The following ESR1 variants were observed in gnomAD, a reference collection of about 807,000 sequenced individuals.
The protein encoded by ESR1 is estrogen receptor.
ESR1 carries 12 observed loss-of-function variants against 52.7 expected under a neutral mutation model. The ratio of observed to expected loss-of-function variants is 0.23; its 90% CI spans 0.15 to 0.37. ESR1 has a LOEUF of 0.37. Among genes scored for constraint, ESR1 ranks in the 10% least tolerant of loss-of-function variants. The pLI, the probability that ESR1 is intolerant of heterozygous loss-of-function variation, is 1.00. For missense variants in ESR1, 584 were observed against 779.7 expected, an observed-to-expected ratio of 0.75 and a Z score of 2.99; for synonymous variants, 305 against 316.8, an observed-to-expected ratio of 0.96 and a Z score of 0.39.
chr6:152,099,548 C>G lies in ESR1; in HGVS notation c.*582C>G, dbSNP rs932255037. 8.2e-6 allele frequency: 2 copies of G among 244,060 alleles called. No homozygotes were observed. Among genetic ancestry groups the G allele is most frequent in the Non-Finnish European group, 1.6e-5 (2 of 124,028 alleles). 15.1% of individuals were successfully genotyped at this position (244,060 alleles called of 1,614,324 possible). A position where few individuals can be genotyped will look rare whatever the true frequency, so the allele number is the denominator to read the frequency against. On this transcript the variant is annotated 3_prime_UTR_variant, in exon 8 of 8. Transcript: ENST00000206249. ...AGTATCTGGTGATTGTCAATTCATT[C>G]CCCCTATAGGAATACAAGGGGCACA... is the stretch of plus-strand genomic sequence containing the variant.
At chr6:151,939,060 A>C (rs1005442119) in intron 3 of ESR1, among the ~76,000 whole-genome samples, 4 of 152,356 alleles carry the variant, frequency 2.6e-5, no homozygotes, top group African/African-American at 4.8e-5. Context: ...TACACTAGCT[A>C]TCCAGGGCAC....
intron 2 of ESR1, among the ~76,000 whole-genome samples, chr6:151,795,942 A>G (rs1776656683): frequency 6.6e-6 from 1 of 151,838 alleles, no homozygotes; most frequent in Non-Finnish European, 1.5e-5. Context: ...AGGTCAGGAG[A>G]TCAAAATCAT....
At chr6:151,947,516 T>A (rs2035841514) in intron 4 of ESR1, among the ~76,000 whole-genome samples, 1 of 152,216 alleles carries the variant, frequency 6.6e-6, no homozygotes, top group Non-Finnish European at 1.5e-5. Context: ...ACAAAAATAG[T>A]CAATACTTTG....
At chr6:151,876,902 G>C (rs367665154) in intron 2 of ESR1, among the ~76,000 whole-genome samples, 1 of 151,780 alleles carries the variant, frequency 6.6e-6, no homozygotes, top group Admixed American at 6.6e-5. Context: ...TGGTTCATCC[G>C]GGCCTGCACA....
chr6:151,819,326 A>T (rs932959486), intron 1 of ESR1, among the ~76,000 whole-genome samples: 1 of 152,184 alleles, frequency 6.6e-6, no homozygotes, highest in Non-Finnish European at 1.5e-5. Flanking sequence ...TGTATAGAGC[A>T]GCAGTCCCCA....
intron 3 of ESR1, among the ~76,000 whole-genome samples, chr6:151,898,270 T>G (rs1795858457): frequency 6.6e-6 from 1 of 152,202 alleles, no homozygotes; most frequent in African/African-American, 2.4e-5. Flanking sequence ...TTTCCTCAAT[T>G]ATCCCCCCAG....
chr6:151,925,124 T>TTTTTTTTTTTTTGTTTG (rs1554285729), intron 3 of ESR1, among the ~76,000 whole-genome samples: 2 of 150,586 alleles, frequency 1.3e-5, no homozygotes, highest in African/African-American at 4.9e-5. Context: ...CAGCATCTGG[T>TTTTTTTTTTTTTGTTTG]TTTTTTTGTT....
intron 6 of ESR1, among the ~76,000 whole-genome samples, chr6:152,074,004 G>A (rs9479194): frequency 0.21 from 31,187 of 151,902 alleles, 4,416 homozygotes; most frequent in African/African-American, 0.39. Context: ...TGAGTGGCAA[G>A]TACAGAAAGT....
intron 1 of ESR1, among the ~76,000 whole-genome samples, chr6:151,834,763 T>C (rs1454809522): frequency 6.6e-6 from 1 of 151,218 alleles, no homozygotes; most frequent in Non-Finnish European, 1.5e-5. Flanking sequence ...TCGTTTAGAA[T>C]GGTGTGAGAA....
At chr6:151,698,766 C>T (rs1779556141) in intron 1 of ESR1, among the ~76,000 whole-genome samples, 1 of 152,140 alleles carries the variant, frequency 6.6e-6, no homozygotes, top group Non-Finnish European at 1.5e-5. Flanking sequence ...AATGATGATG[C>T]TACACTCCTG....
In ESR1 at chr6:151,683,864, ATTTTTT is replaced by A. The variant is rs66983259; in HGVS notation, n.74-17996_74-17991del. On this transcript the variant is annotated intron_variant and non_coding_transcript_variant, in intron 1 of 2. Transcript: ENST00000473497. ...CAAGCATGTGCCACCACGTCTGGCT[ATTTTTT>A]TTTTTTTTTTTTTTGTAGTTTTAGT... Among the ~76,000 whole-genome samples, 13 of 118,452 alleles carry A rather than the reference ATTTTTT, an allele frequency of 1.1e-4. No homozygotes were observed. In the South Asian group the frequency reaches 2.2e-3, roughly 20 times the overall value. 77.7% of individuals were successfully genotyped at this position (118,452 alleles called of 152,430 possible). A position where few individuals can be genotyped will look rare whatever the true frequency, so the allele number is the denominator to read the frequency against.
At chr6:151,809,153 C>A (rs73618149) in intron 1 of ESR1, 1 of 442,460 alleles carries the variant, frequency 2.3e-6, no homozygotes, top group Non-Finnish European at 4.8e-6. Context: ...CTGTCCCACC[C>A]GGGGAGAATG....
chr6:151,712,243 G>A (rs186381832), intron 2 of ESR1, among the ~76,000 whole-genome samples: 25 of 152,260 alleles, frequency 1.6e-4, no homozygotes, highest in Admixed American at 1.1e-3. Context: ...TTTGGTTACC[G>A]TAGCCTTGTA....
In ESR1 at chr6:152,012,052, ACTCT is replaced by A. The variant is rs149855024; in HGVS notation, c.1235+275_1235+278del. The stretch of plus-strand genomic sequence containing the variant: ...CACACACACACACACACACACTCAC[ACTCT>A]CTCTCTCTCTCTCTCTGTCATTATG... On this transcript the variant is annotated intron_variant, in intron 5 of 7. Transcript: ENST00000206249. 1.2e-3 allele frequency among the ~76,000 whole-genome samples: 176 copies of A among 143,398 alleles called. 1 individual carries two copies. Among genetic ancestry groups the A allele is most frequent in the South Asian group, 4.0e-3 (18 of 4,480 alleles). The allele number at this position is 143,398 out of a possible 152,430, so 94.1% of individuals were successfully genotyped here.
intron 1 of ESR1, among the ~76,000 whole-genome samples, chr6:151,667,371 T>A (rs1777867426): frequency 6.6e-6 from 1 of 152,242 alleles, no homozygotes; most frequent in African/African-American, 2.4e-5. Flanking sequence ...CAGTGAAAGT[T>A]GCCCATAATA....
chr6:152,112,025 T>C (rs1166650998), intron 6 of ESR1, among the ~76,000 whole-genome samples: 1 of 152,218 alleles, frequency 6.6e-6, no homozygotes, highest in African/African-American at 2.4e-5. Flanking sequence ...GAAACGTGTA[T>C]AAAGAAAAAC....
intron 1 of ESR1, among the ~76,000 whole-genome samples, chr6:151,815,705 G>A (rs1033184325): frequency 2.0e-5 from 3 of 152,164 alleles, no homozygotes; most frequent in African/African-American, 2.4e-5. Flanking sequence ...ACTTACTGAC[G>A]TTTATTTGTA....
intron 2 of ESR1, among the ~76,000 whole-genome samples, chr6:151,730,037 T>C (rs1782124142): frequency 6.6e-6 from 1 of 152,208 alleles, no homozygotes; most frequent in Non-Finnish European, 1.5e-5. Flanking sequence ...TAGTCATTGC[T>C]TCCTTCTTGG....
At chr6:151,964,114 G>A (rs1359454003) in intron 4 of ESR1, among the ~76,000 whole-genome samples, 1 of 152,122 alleles carries the variant, frequency 6.6e-6, no homozygotes, top group African/African-American at 2.4e-5. Context: ...GATGCCTCTA[G>A]CTTTGTTCTT....
Sources: gnomAD v4.1 joint callset for allele counts (sites outside exome capture counted in the v4.1 genomes callset) on GRCh38, gnomAD v4.1.1 for gene constraint, MANE v1.5 for transcripts, NCBI Gene and HGNC (gene_info 2026-07-23, HGNC 2026-07-21) for gene names.